The following TMEM232 variants were observed in gnomAD, a reference collection of about 807,000 sequenced individuals.
The protein encoded by TMEM232 is transmembrane protein 232.
A neutral mutation model predicts 78.8 loss-of-function variants in TMEM232; 80 were observed. That is an observed-to-expected ratio of 1.01 (90% confidence interval 0.85 to 1.22). The LOEUF is 1.22. Ranked by LOEUF, TMEM232 falls within the 50% of genes most tolerant of loss-of-function variation. The pLI is 0.00. For missense variants in TMEM232, 881 were observed against 742.2 expected (o/e 1.19, Z -2.17); for synonymous variants, 297 against 254.3 (o/e 1.17, Z -1.60).
chr5:110,622,901 G>T lies in TMEM232; in HGVS notation c.768+2366C>A, dbSNP rs112887432. ...AGATATACCTAATGCTAGATGACGA[G>T]TTAGTGGGTGCAGCACACCAGCATG... On this transcript the variant is annotated intron_variant, in intron 7 of 13. Transcript: ENST00000455884. Among the ~76,000 whole-genome samples the T allele has an allele frequency of 5.7e-3, 869 of 151,776 alleles. 5 individuals carry two copies. The highest frequency in any genetic ancestry group is 0.02 in the African/African-American group (812 of 41,360).
intron 10 of TMEM232, among the ~76,000 whole-genome samples, chr5:110,595,760 G>T (rs1257345032): frequency 6.6e-6 from 1 of 152,100 alleles, no homozygotes; most frequent in East Asian, 1.9e-4. Flanking sequence ...AAACCCCCAA[G>T]AGATGTGGGA....
intron 11 of TMEM232, among the ~76,000 whole-genome samples, chr5:110,565,151 C>A (rs1776196477): frequency 6.6e-6 from 1 of 151,910 alleles, no homozygotes. Flanking sequence ...ATGTTCTCCT[C>A]TTATAGTTCT....
At position 110,406,180 on chromosome 5, in the gene TMEM232, C is replaced by A. The variant is rs575473840; in HGVS notation, n.309-8326G>T. 3.4e-5 allele frequency among the ~76,000 whole-genome samples: 5 copies of A among 149,144 alleles called. No homozygotes were observed. The East Asian group carries it at 8.1e-4, about 24-fold the overall frequency. On this transcript the variant is annotated intron_variant and non_coding_transcript_variant, in intron 2 of 8. Coordinates refer to the TMEM232 transcript ENST00000507188. ...GAACTCTCATACATATCTGAGGTAG[C>A]TATAAAATGATATGCCAATTATGGA...
chr5:110,698,229 G>T (rs978575341), intron 1 of TMEM232, among the ~76,000 whole-genome samples: 57 of 151,738 alleles, frequency 3.8e-4, no homozygotes, highest in Middle Eastern at 3.4e-3. Context: ...AGGTGGGAAT[G>T]GAACAATGAG....
chr5:110,705,016 C>G (rs1014495461), intron 1 of TMEM232, among the ~76,000 whole-genome samples: 4 of 152,014 alleles, frequency 2.6e-5, no homozygotes, highest in African/African-American at 9.7e-5. Flanking sequence ...ACAAGGATAT[C>G]ACTGAAGGAC....
chr5:110,473,455 A>G (rs547555726), intron 12 of TMEM232, among the ~76,000 whole-genome samples: 1 of 151,888 alleles, frequency 6.6e-6, no homozygotes, highest in African/African-American at 2.4e-5. Context: ...TGTGAAGAAA[A>G]GGGAACCCTT....
intron 2 of TMEM232, among the ~76,000 whole-genome samples, chr5:110,656,986 G>A (rs1789168312): frequency 6.6e-6 from 1 of 152,138 alleles, no homozygotes; most frequent in Non-Finnish European, 1.5e-5. Flanking sequence ...TTCAATGCAT[G>A]TGTTCATAAC....
chr5:110,497,632 G>A (rs1404086827), intron 12 of TMEM232, among the ~76,000 whole-genome samples: 1 of 152,064 alleles, frequency 6.6e-6, no homozygotes, highest in African/African-American at 2.4e-5. Flanking sequence ...GCACCTAAAT[G>A]GCAAAAGCTA....
intron 12 of TMEM232, among the ~76,000 whole-genome samples, chr5:110,467,203 A>G (rs1380754558): frequency 6.6e-6 from 1 of 152,130 alleles, no homozygotes; most frequent in African/African-American, 2.4e-5. Context: ...AGACTGGATA[A>G]AAAAGGTTTT....
chr5:110,610,526 C>T (rs1482062233), intron 8 of TMEM232: 2 of 455,916 alleles, frequency 4.4e-6, no homozygotes, highest in Non-Finnish European at 8.8e-6. Flanking sequence ...AGACCAGCAG[C>T]CATAGTATTT....
At chr5:110,721,222 A>G (rs981458621) in intron 1 of TMEM232, among the ~76,000 whole-genome samples, 3 of 152,118 alleles carry the variant, frequency 2.0e-5, no homozygotes, top group Non-Finnish European at 2.9e-5. Flanking sequence ...TTTACACTCA[A>G]TATAAATATA....
intron 2 of TMEM232, among the ~76,000 whole-genome samples, chr5:110,414,066 A>G (rs1364901634): frequency 1.3e-5 from 2 of 152,064 alleles, no homozygotes; most frequent in African/African-American, 4.8e-5. Flanking sequence ...TACTCTATCA[A>G]TTTTTCACTT....
At chr5:110,628,307 C>A (rs1185934432) in intron 5 of TMEM232, among the ~76,000 whole-genome samples, 1 of 151,940 alleles carries the variant, frequency 6.6e-6, no homozygotes, top group Non-Finnish European at 1.5e-5. Context: ...AATTGCAATG[C>A]AAAAGGTATT....
At chr5:110,542,170 A>G (rs1440439126) in intron 11 of TMEM232, among the ~76,000 whole-genome samples, 3 of 152,154 alleles carry the variant, frequency 2.0e-5, no homozygotes, top group Non-Finnish European at 2.9e-5. Context: ...CAGCCAAAAG[A>G]TAAGTAAATG....
chr5:110,393,382 C>A (rs1157766667), intron 3 of TMEM232, among the ~76,000 whole-genome samples: 1 of 152,132 alleles, frequency 6.6e-6, no homozygotes, highest in Non-Finnish European at 1.5e-5. Flanking sequence ...TTGACCTCTT[C>A]ATCATCATGT....
At chr5:110,496,257 A>G (rs1036449775) in intron 12 of TMEM232, among the ~76,000 whole-genome samples, 5 of 152,008 alleles carry the variant, frequency 3.3e-5, no homozygotes, top group Non-Finnish European at 7.4e-5. Flanking sequence ...TAATAACTTA[A>G]AATGATCGTT....
chr5:110,674,820 A>T (rs1209898304), intron 1 of TMEM232, among the ~76,000 whole-genome samples: 1 of 152,186 alleles, frequency 6.6e-6, no homozygotes, highest in Admixed American at 6.5e-5. Flanking sequence ...AGAACAAATA[A>T]ATCTAGTAAA....
downstream of TMEM232, among the ~76,000 whole-genome samples, chr5:110,419,453 T>C (rs1756439272): frequency 6.6e-6 from 1 of 152,150 alleles, no homozygotes; most frequent in African/African-American, 2.4e-5. Context: ...TGGATAAAAC[T>C]TCTTAACTTG....
chr5:110,690,381 C>G (rs184354787), intron 1 of TMEM232, among the ~76,000 whole-genome samples: 9 of 152,312 alleles, frequency 5.9e-5, no homozygotes, highest in Non-Finnish European at 7.4e-5. Flanking sequence ...AAAGGCTCAT[C>G]ATCACTGGTC....
Sources: gnomAD v4.1 joint callset for allele counts (sites outside exome capture counted in the v4.1 genomes callset) on GRCh38, gnomAD v4.1.1 for gene constraint, MANE v1.5 for transcripts, NCBI Gene and HGNC (gene_info 2026-07-23, HGNC 2026-07-21) for gene names.